CPD: variants seen among roughly 807,000 people sequenced by gnomAD.
CPD encodes metallocarboxypeptidase D.
Under a neutral mutation model 138.3 loss-of-function variants are expected in CPD, and 69 were observed. That is an observed-to-expected ratio of 0.50 (90% CI 0.41 to 0.61). CPD has a LOEUF of 0.61. Ranked by LOEUF, CPD falls within the 20% of genes least tolerant of loss-of-function variation. CPD has a pLI of 0.00. For missense variants in CPD, 1,432 were observed against 1,733.3 expected, an observed-to-expected ratio of 0.83 and a Z score of 3.09; for synonymous variants, 651 against 642.1, an observed-to-expected ratio of 1.01 and a Z score of -0.21.
At chr17:30,382,278 G>T (rs1402177147) in intron 1 of CPD, among the ~76,000 whole-genome samples, 1 of 152,066 alleles carries the variant, frequency 6.6e-6, no homozygotes, top group African/African-American at 2.4e-5. Context: ...TAGCGTAATA[G>T]AGTTAATTTA....
chr17:30,468,571 G>T lies in CPD; in HGVS notation c.*3757G>T, dbSNP rs1282564079. 6.6e-6 allele frequency: 1 copy of T among 152,574 alleles called. No homozygotes were observed. Among genetic ancestry groups the T allele is most frequent in the African/African-American group, 2.4e-5 (1 of 41,446 alleles). The allele number at this position is 152,574 out of a possible 1,614,324, so 9.5% of individuals were successfully genotyped here. On this transcript the variant is annotated 3_prime_UTR_variant, in exon 21 of 21. Coordinates refer to ENST00000225719, the MANE Select transcript of CPD (RefSeq NM_001304.5). ...GGACTTTAAATGAAGTTGAATAGTA[G>T]TTTTTAAAAGTCAATTTGTAATTTA...
chr17:30,449,490 A>G (rs1913110309), intron 12 of CPD, 63 bp from the exon 13 acceptor site: 11 of 1,401,736 alleles, frequency 7.8e-6, no homozygotes, highest in East Asian at 2.6e-5. Flanking sequence ...TTTAAAGTCC[A>G]TAAGTCAACA....
At chr17:30,398,230 GAATAGAACAGAATAGAAT>G (rs367664579) in intron 2 of CPD, among the ~76,000 whole-genome samples, 3 of 109,436 alleles carry the variant, frequency 2.7e-5, no homozygotes, top group Non-Finnish European at 3.7e-5. Flanking sequence ...TAATAGAATA[GAATAGAACAGAATAGAAT>G]AATAGAATAG....
chr17:30,453,121 A>G (rs185138330), intron 14 of CPD, among the ~76,000 whole-genome samples: 3 of 152,300 alleles, frequency 2.0e-5, no homozygotes, highest in African/African-American at 7.2e-5. Flanking sequence ...CCCAAATCTC[A>G]TGTCCTCACA....
At chr17:30,426,533 C>T (rs1912412563) in intron 6 of CPD, among the ~76,000 whole-genome samples, 1 of 152,184 alleles carries the variant, frequency 6.6e-6, no homozygotes, top group Non-Finnish European at 1.5e-5. Flanking sequence ...CTCACTGGTC[C>T]AGGTGACGTC....
chr17:30,439,565 C>G (rs1356222645), intron 9 of CPD, among the ~76,000 whole-genome samples: 176 of 108,216 alleles, frequency 1.6e-3, no homozygotes, highest in African/African-American at 2.1e-3. Flanking sequence ...CCCCTCCCCC[C>G]ACCCCACCAC....
chr17:30,455,403 T>C lies in CPD; in HGVS notation c.3270T>C (p.Ser1090=), dbSNP rs766448651. ...ATTTGATTCAAAAACAGGACTTTAG[T>C]CTTTCTGTTGCCTTAGATGGTGGTT... The part of the protein sequence containing the change: ...IENLIQKQDF[S]LSVALDGGSM... Residue 1090 remains serine (S), a synonymous_variant, in exon 15 of 21, where the codon AGT becomes AGC. Coordinates refer to ENST00000225719, the MANE Select transcript of CPD (RefSeq NM_001304.5). 6.2e-7 allele frequency: 1 copy of C among 1,613,948 alleles called. No individual in the cohort carries two copies. Among genetic ancestry groups the C allele is most frequent in the South Asian group, 1.1e-5 (1 of 91,058 alleles).
At chr17:30,430,250 C>T (rs1333460358) in intron 7 of CPD, among the ~76,000 whole-genome samples, 1 of 151,986 alleles carries the variant, frequency 6.6e-6, no homozygotes, top group Non-Finnish European at 1.5e-5. Context: ...TTTTTATCTC[C>T]GCAAAAGGAT....
intron 5 of CPD, 98 bp downstream of exon 5, chr17:30,423,121 T>A: frequency 2.3e-6 from 2 of 865,874 alleles, no homozygotes; most frequent in Non-Finnish European, 1.7e-6. Context: ...ACAGTTTGTA[T>A]AACTGGCATT....
At chr17:30,449,888 A>G in intron 13 of CPD, 140 bp downstream of exon 13, 2 of 664,160 alleles carry the variant, frequency 3.0e-6, no homozygotes, top group South Asian at 5.0e-5. Context: ...ACTCTTTAAA[A>G]ATGAACCATC....
intron 8 of CPD, among the ~76,000 whole-genome samples, chr17:30,437,016 C>G (rs1912721438): frequency 6.6e-6 from 1 of 151,700 alleles, no homozygotes; most frequent in Admixed American, 6.6e-5. Flanking sequence ...TGAAAGAAGT[C>G]ACAAGAGACT....
intron 1 of CPD, chr17:30,380,603 A>C: frequency 6.6e-7 from 1 of 1,511,372 alleles, no homozygotes; most frequent in Non-Finnish European, 8.8e-7. Flanking sequence ...GACCTCAAGA[A>C]ATTAGTATAA....
At chr17:30,453,585 G>T (rs181929957) in intron 14 of CPD, among the ~76,000 whole-genome samples, 5 of 152,124 alleles carry the variant, frequency 3.3e-5, no homozygotes, top group Non-Finnish European at 7.4e-5. Flanking sequence ...GCAAGCTGTC[G>T]TGGATCTACC....
intron 13 of CPD, among the ~76,000 whole-genome samples, chr17:30,451,233 T>A (rs989724673): frequency 6.6e-6 from 1 of 152,216 alleles, no homozygotes; most frequent in Admixed American, 6.5e-5. Context: ...AAAGAATTGA[T>A]GTCATGATTA....
intron 2 of CPD, among the ~76,000 whole-genome samples, chr17:30,397,425 A>G (rs889748991): frequency 6.6e-6 from 1 of 152,154 alleles, no homozygotes; most frequent in Non-Finnish European, 1.5e-5. Context: ...ATGGAAAAAA[A>G]GTTCAAAGAG....
intron 6 of CPD, among the ~76,000 whole-genome samples, chr17:30,426,244 C>T (rs1912405304): frequency 6.6e-6 from 1 of 151,502 alleles, no homozygotes. Flanking sequence ...CAGGTTCTTC[C>T]TGCCTGCTGC....
At chr17:30,444,000 T>A (rs544509096) in intron 11 of CPD, 29 bp downstream of exon 11, 2 of 1,608,394 alleles carry the variant, frequency 1.2e-6, no homozygotes, top group Admixed American at 3.4e-5. Context: ...TGAAATAGAG[T>A]GCTCGGAGGA....
chr17:30,379,658 C>T lies in CPD; in HGVS notation c.678C>T (p.Thr226=), dbSNP rs561832845. The change falls in exon 1 of 21, where the codon ACC becomes ACT. Residue 226 remains threonine (T), a synonymous_variant. Coordinates refer to ENST00000225719, the MANE Select transcript of CPD (RefSeq NM_001304.5). The surrounding 1 kb of genome is among the most constrained non-coding windows in gnomAD (Gnocchi z 7.0). ...GAAGCTTTCCCGACCAGTTTAGCAC[C>T]GGCGAACCCCCCGCCCTGGACGAGG... The part of the protein sequence containing the change: ...LNRSFPDQFS[T]GEPPALDEVP... 389 of 1,523,350 alleles carry T rather than the reference C, an allele frequency of 2.6e-4. 1 individual carries two copies. The highest frequency in any genetic ancestry group is 1.0e-3 in the Middle Eastern group (6 of 5,764). The allele number at this position is 1,523,350 out of a possible 1,614,324, so 94.4% of individuals were successfully genotyped here.
At position 30,421,651 on chromosome 17, in the gene CPD, C is replaced by T. The variant is rs762685875; in HGVS notation, c.1138-13C>T. The T allele has an allele frequency of 1.9e-6, 3 of 1,612,394 alleles. No homozygotes were observed. In the South Asian group the frequency reaches 3.3e-5, roughly 18 times the overall value. ...AATTCACCGTCTCTGAGCTTGGATTCTTGTCTTCTTAGGTTCACATTGGAG... is the reference window on the plus strand; with the variant it reads ...AATTCACCGTCTCTGAGCTTGGATTTTTGTCTTCTTAGGTTCACATTGGAG... On this transcript the variant is annotated splice_polypyrimidine_tract_variant and intron_variant, in intron 3 of 20. Transcript: ENST00000225719.
Sources: gnomAD v4.1 joint callset for allele counts (sites outside exome capture counted in the v4.1 genomes callset) on GRCh38, gnomAD v4.1.1 for gene constraint, Gnocchi (gnomAD v3.1) non-coding constraint, MANE v1.5 for transcripts, NCBI Gene and HGNC (gene_info 2026-07-23, HGNC 2026-07-21) for gene names.